Variants in SORT1 observed in about 807,000 individuals in gnomAD.
The protein encoded by SORT1 is sortilin.
SORT1 carries 39 observed loss-of-function variants against 101.7 expected under a neutral mutation model. The observed-to-expected ratio is 0.38, with a 90% CI of 0.30 to 0.50. The LOEUF is 0.50. SORT1 is among the 20% of genes least tolerant of loss of function. The pLI is 0.90. For missense variants in SORT1, 878 were observed against 1,040.4 expected (o/e 0.84, Z 2.15); for synonymous variants, 396 against 393.7 (o/e 1.01, Z -0.07).
intron 9 of SORT1, among the ~76,000 whole-genome samples, chr1:109,341,268 T>C (rs953520053): frequency 6.6e-6 from 1 of 152,214 alleles, no homozygotes; most frequent in Non-Finnish European, 1.5e-5. Context: ...AGATTTCCAA[T>C]ATGTCACAAA....
At chr1:109,346,762 A>G (rs1649633515) in intron 7 of SORT1, among the ~76,000 whole-genome samples, 1 of 151,932 alleles carries the variant, frequency 6.6e-6, no homozygotes, top group South Asian at 2.1e-4. Flanking sequence ...AAAAAAAAAA[A>G]AAGCCACAGC....
chr1:109,317,583 T>G (rs777115779), intron 16 of SORT1, among the ~76,000 whole-genome samples: 1 of 152,170 alleles, frequency 6.6e-6, no homozygotes, highest in Non-Finnish European at 1.5e-5. Flanking sequence ...TGGGGGTGGT[T>G]GGGCGGGAGG....
chr1:109,369,074 CT>C (rs3835720), intron 2 of SORT1, among the ~76,000 whole-genome samples: 106,085 of 152,046 alleles, frequency 0.7, 37,579 homozygotes, highest in East Asian at 0.96. Context: ...AATCCCAGCA[CT>C]TTTGGGAGGC....
chr1:109,396,690 G>A (rs1206383807), intron 1 of SORT1, among the ~76,000 whole-genome samples: 2 of 152,164 alleles, frequency 1.3e-5, no homozygotes, highest in Non-Finnish European at 2.9e-5. Flanking sequence ...GCCCCCAAGT[G>A]CAATTCATTT....
intron 3 of SORT1, among the ~76,000 whole-genome samples, chr1:109,356,167 C>T (rs917503578): frequency 2.6e-5 from 4 of 152,130 alleles, no homozygotes; most frequent in African/African-American, 4.8e-5. Flanking sequence ...CCACTGTGCC[C>T]GGTCCTACAG....
chr1:109,335,896 C>G (rs994471914), intron 11 of SORT1, among the ~76,000 whole-genome samples: 3 of 152,216 alleles, frequency 2.0e-5, no homozygotes, highest in Admixed American at 1.3e-4. Flanking sequence ...AATGGTGGAG[C>G]TGCGGCTTCT....
In SORT1 at chr1:109,312,597, G is replaced by A. The variant is rs1440803492; in HGVS notation, c.*1446C>T. On this transcript the variant is annotated 3_prime_UTR_variant, in exon 20 of 20. Transcript: ENST00000256637. Reference sequence around the variant, plus strand: ...ATGGTATCTACCAAAGAATGTCCCAGTCATAATCATTGGGAGAAACTGTGA... The same window carrying A: ...ATGGTATCTACCAAAGAATGTCCCAATCATAATCATTGGGAGAAACTGTGA... The A allele has an allele frequency of 6.6e-6, 1 of 152,026 alleles. No homozygotes were observed. Among genetic ancestry groups the A allele is most frequent in the African/African-American group, 2.4e-5 (1 of 41,230 alleles). 9.4% of individuals were successfully genotyped at this position (152,026 alleles called of 1,614,324 possible).
chr1:109,380,497 G>T, intron 1 of SORT1, among the ~76,000 whole-genome samples: 1 of 151,886 alleles, frequency 6.6e-6, no homozygotes, highest in Non-Finnish European at 1.5e-5. Context: ...TATAGAAAGG[G>T]TTTCAATTAA....
intron 1 of SORT1, among the ~76,000 whole-genome samples, chr1:109,388,633 G>A (rs1042300437): frequency 6.6e-6 from 1 of 152,140 alleles, no homozygotes; most frequent in Non-Finnish European, 1.5e-5. Flanking sequence ...TTAAGCACAT[G>A]TACAAATATT....
chr1:109,372,545 C>T (rs1296263265), intron 1 of SORT1, among the ~76,000 whole-genome samples: 1 of 152,160 alleles, frequency 6.6e-6, no homozygotes, highest in Admixed American at 6.5e-5. Flanking sequence ...ACTTCTGCTT[C>T]TGGTCAAGAT....
At chr1:109,360,629 G>A (rs745466257) in intron 3 of SORT1, among the ~76,000 whole-genome samples, 8 of 151,666 alleles carry the variant, frequency 5.3e-5, no homozygotes, top group Non-Finnish European at 8.8e-5. Flanking sequence ...GAGCCACTGC[G>A]CCTGGCCTAG....
intron 10 of SORT1, among the ~76,000 whole-genome samples, chr1:109,339,160 A>C (rs1337045492): frequency 6.6e-6 from 1 of 152,132 alleles, no homozygotes; most frequent in East Asian, 1.9e-4. Flanking sequence ...TACAGGTGTG[A>C]GCCACCGCGC....
chr1:109,354,310 A>G, intron 5 of SORT1, 57 bp downstream of exon 5: 1 of 1,311,508 alleles, frequency 7.6e-7, no homozygotes, highest in South Asian at 1.3e-5. Context: ...CTTCTAAGAC[A>G]GTACATTTGA....
chr1:109,343,307 T>C (rs1308417678), intron 8 of SORT1, among the ~76,000 whole-genome samples: 3 of 152,222 alleles, frequency 2.0e-5, no homozygotes, highest in Non-Finnish European at 4.4e-5. Context: ...TAACTTCCAA[T>C]GAAGTGCTTT....
chr1:109,326,520 T>TACAC (rs1648074526), intron 13 of SORT1, among the ~76,000 whole-genome samples: 1 of 131,910 alleles, frequency 7.6e-6, no homozygotes, highest in East Asian at 2.2e-4. Flanking sequence ...CATACACATA[T>TACAC]ATATACACAT....
chr1:109,326,655 T>A (rs1648098474), intron 13 of SORT1, among the ~76,000 whole-genome samples: 1 of 143,612 alleles, frequency 7.0e-6, no homozygotes, highest in African/African-American at 2.6e-5. Context: ...AAGGTCTCCC[T>A]ATGTTGCCCA....
At chr1:109,345,437 T>C (rs1649516880) in intron 8 of SORT1, among the ~76,000 whole-genome samples, 1 of 151,632 alleles carries the variant, frequency 6.6e-6, no homozygotes, top group Non-Finnish European at 1.5e-5. Context: ...ATTGCTTTAA[T>C]CTGGGAGGCG....
At position 109,383,291 on chromosome 1, in the gene SORT1, A is replaced by T. The variant is rs570940176; in HGVS notation, c.307-13702T>A. Among the ~76,000 whole-genome samples the T allele has an allele frequency of 1.4e-4, 22 of 152,334 alleles. No homozygotes were observed. In the Middle Eastern group the frequency reaches 0.014, roughly 94 times the overall value. ...AGAAGGAAGTGAATTCAATGATGGC[A>T]TTCTTCACATACCTGCCCTCTTTCA... On this transcript the variant is annotated intron_variant, in intron 1 of 19. Transcript: ENST00000256637.
At chr1:109,379,619 A>G (rs1652093704) in intron 1 of SORT1, among the ~76,000 whole-genome samples, 1 of 152,214 alleles carries the variant, frequency 6.6e-6, no homozygotes, top group East Asian at 1.9e-4. Flanking sequence ...ATCCTACCCT[A>G]GGATAGGAAG....
Sources: allele counts gnomAD v4.1 joint callset (sites outside exome capture counted in the v4.1 genomes callset), GRCh38; gene constraint gnomAD v4.1.1; transcripts MANE v1.5; gene names NCBI Gene and HGNC (gene_info 2026-07-23, HGNC 2026-07-21).